Variants in MAP2K4 observed in about 807,000 individuals in gnomAD.
The protein encoded by MAP2K4 is mitogen-activated protein kinase kinase 4.
In MAP2K4, 4 loss-of-function variants were observed where a neutral mutation model predicts 48.5. That is an observed-to-expected ratio of 0.08 (90% confidence interval 0.04 to 0.19). The LOEUF (loss-of-function observed/expected upper bound fraction) is 0.19, where lower values mean the gene tolerates loss of function less well. Ranked by LOEUF, MAP2K4 falls within the 10% of genes least tolerant of loss-of-function variation. The pLI, the probability that MAP2K4 is intolerant of heterozygous loss-of-function variation, is 1.00. For missense variants in MAP2K4, 258 were observed against 493.3 expected, an observed-to-expected ratio of 0.52 and a Z score of 4.52; for synonymous variants, 166 against 173.1, an observed-to-expected ratio of 0.96 and a Z score of 0.32.
At chr17:12,087,613 TAC>T (rs1313434368) in intron 3 of MAP2K4, among the ~76,000 whole-genome samples, 9 of 145,538 alleles carry the variant, frequency 6.2e-5, no homozygotes, top group Non-Finnish European at 1.4e-4. Flanking sequence ...AATGGGGTAT[TAC>T]TATTAATTAA....
chr17:12,093,368 G>T (rs1201749129), intron 3 of MAP2K4, among the ~76,000 whole-genome samples: 1 of 152,224 alleles, frequency 6.6e-6, no homozygotes, highest in Non-Finnish European at 1.5e-5. Flanking sequence ...TCAGTAAGAT[G>T]TTGGAACTTC....
intron 3 of MAP2K4, among the ~76,000 whole-genome samples, chr17:12,093,356 T>C (rs1234459889): frequency 6.6e-6 from 1 of 152,218 alleles, no homozygotes; most frequent in Non-Finnish European, 1.5e-5. Context: ...CAGTGTTAGG[T>C]ATCAGTAAGA....
At chr17:12,113,482 A>G in intron 7 of MAP2K4, 122 bp downstream of exon 7, 3 of 1,221,848 alleles carry the variant, frequency 2.5e-6, no homozygotes, top group Non-Finnish European at 2.2e-6. Context: ...CCCTTACCCT[A>G]AGGCCCAAGC....
intron 1 of MAP2K4, chr17:12,036,429 T>A (rs1285872084): frequency 6.6e-6 from 1 of 152,210 alleles, no homozygotes; most frequent in Non-Finnish European, 1.5e-5. Flanking sequence ...GTGAACATAG[T>A]TGTTTAGAAT....
chr17:12,050,820 C>T (rs1477984344), intron 1 of MAP2K4, among the ~76,000 whole-genome samples: 1 of 152,168 alleles, frequency 6.6e-6, no homozygotes, highest in African/African-American at 2.4e-5. Flanking sequence ...GTGAGTTGCT[C>T]ACAACTAGAC....
chr17:12,052,180 C>T (rs1239305843), intron 1 of MAP2K4, among the ~76,000 whole-genome samples: 2 of 152,102 alleles, frequency 1.3e-5, no homozygotes, highest in African/African-American at 2.4e-5. Context: ...TTTGAGTGAT[C>T]TTTGCTTGGA....
intron 9 of MAP2K4, among the ~76,000 whole-genome samples, chr17:12,136,214 G>T (rs953493192): frequency 3.9e-5 from 6 of 151,910 alleles, no homozygotes; most frequent in African/African-American, 1.2e-4. Context: ...ACTCACAAAA[G>T]AAATGAGAAT....
chr17:12,072,203 A>C (rs950669967), intron 2 of MAP2K4, among the ~76,000 whole-genome samples: 1 of 152,256 alleles, frequency 6.6e-6, no homozygotes, highest in Non-Finnish European at 1.5e-5. Context: ...GTAAGTAAGC[A>C]GTTCCAAACT....
intron 3 of MAP2K4, among the ~76,000 whole-genome samples, chr17:12,083,863 G>T (rs1971274374): frequency 6.6e-6 from 1 of 152,136 alleles, no homozygotes; most frequent in Non-Finnish European, 1.5e-5. Context: ...GAGACTTTAC[G>T]GTTTTAAAGG....
chr17:12,038,940 C>T (rs1416958006), intron 1 of MAP2K4, among the ~76,000 whole-genome samples: 1 of 152,080 alleles, frequency 6.6e-6, no homozygotes, highest in Non-Finnish European at 1.5e-5. Context: ...TTGAGGAGTC[C>T]TCATTTGCAC....
At chr17:12,076,317 G>GTGTGTA (rs1257142425) in intron 2 of MAP2K4, among the ~76,000 whole-genome samples, 1 of 149,972 alleles carries the variant, frequency 6.7e-6, no homozygotes, top group Non-Finnish European at 1.5e-5. Context: ...GTGTGTGTGT[G>GTGTGTA]TGTGTGTGTT....
chr17:12,057,191 C>T (rs1970306341), intron 2 of MAP2K4, among the ~76,000 whole-genome samples: 1 of 151,968 alleles, frequency 6.6e-6, no homozygotes, highest in South Asian at 2.1e-4. Context: ...TTTAGTAAGG[C>T]ATAAGGTAAT....
intron 8 of MAP2K4, among the ~76,000 whole-genome samples, chr17:12,128,142 A>G (rs1286892650): frequency 2.0e-5 from 3 of 152,198 alleles, no homozygotes; most frequent in East Asian, 1.9e-4. Context: ...CAGTGGCGCA[A>G]TCTCGGCTCA....
At chr17:12,121,629 A>T (rs2151584498) in intron 7 of MAP2K4, among the ~76,000 whole-genome samples, 1 of 150,590 alleles carries the variant, frequency 6.6e-6, no homozygotes, top group South Asian at 2.1e-4. Context: ...ACATTATTTT[A>T]ATATATACAG....
rs115440424 is a variant in MAP2K4 at position 12,049,124 on chromosome 17, C to G, written c.116-5765C>G. Among the ~76,000 whole-genome samples, 940 of 152,272 alleles carry G rather than the reference C, an allele frequency of 6.2e-3. 14 individuals are homozygous for G. The highest frequency in any genetic ancestry group is 0.022 in the African/African-American group (895 of 41,552). On this transcript the variant is annotated intron_variant, in intron 1 of 10. Transcript: ENST00000353533. ...AGTTGGAATTGTGGGTTACTCATTTCATAACCAGTGATTGCAGATAATTAA... is the reference window on the plus strand; with the variant it reads ...AGTTGGAATTGTGGGTTACTCATTTGATAACCAGTGATTGCAGATAATTAA...
chr17:12,129,010 G>C (rs1972944095), intron 8 of MAP2K4, 129 bp from the exon 9 acceptor site: 1 of 745,136 alleles, frequency 1.3e-6, no homozygotes, highest in Admixed American at 2.8e-5. Flanking sequence ...TCCTCCCCAA[G>C]CTAACCTGTG....
intron 4 of MAP2K4, among the ~76,000 whole-genome samples, chr17:12,099,443 A>C (rs1240567910): frequency 6.6e-6 from 1 of 152,182 alleles, no homozygotes; most frequent in East Asian, 1.9e-4. Context: ...TAGTTCCACT[A>C]ATTAGAGATT....
chr17:12,115,879 G>C (rs187351883), intron 7 of MAP2K4: 1 of 643,304 alleles, frequency 1.6e-6, no homozygotes, highest in African/African-American at 1.8e-5. Context: ...CCTTTGGACT[G>C]TGTATTGGAC....
Position 12,110,246 on chromosome 17 carries a change from C to CA in MAP2K4, c.634-125dup, listed in dbSNP as rs527701859. The CA allele has an allele frequency of 1.2e-4, 82 of 679,580 alleles. No homozygotes were observed. In the South Asian group the frequency reaches 1.4e-3, roughly 12 times the overall value. The allele number at this position is 679,580 out of a possible 1,614,324, so 42.1% of individuals were successfully genotyped here. A position where few individuals can be genotyped will look rare whatever the true frequency, so the allele number is the denominator to read the frequency against. ...AGTATCTTTGGTTAACAAGAAATGA[C>CA]AAAATATTGAAATATTAAGCTTAAA... is the stretch of plus-strand genomic sequence containing the variant. On this transcript the variant is annotated intron_variant, in intron 5 of 10. Coordinates refer to ENST00000353533, the MANE Select transcript of MAP2K4 (RefSeq NM_003010.4).
Sources: gnomAD v4.1 joint callset for allele counts (sites outside exome capture counted in the v4.1 genomes callset) on GRCh38, gnomAD v4.1.1 for gene constraint, MANE v1.5 for transcripts, NCBI Gene and HGNC (gene_info 2026-07-23, HGNC 2026-07-21) for gene names.